Variants in SAMD5 observed in about 807,000 individuals in gnomAD.
The protein encoded by SAMD5 is sterile alpha motif domain containing 5.
Under a neutral mutation model 11.3 loss-of-function variants are expected in SAMD5, and 13 were observed. That is an observed-to-expected ratio of 1.15 (90% CI 0.75 to 1.83). The LOEUF (loss-of-function observed/expected upper bound fraction) is 1.83. Ranked by LOEUF, SAMD5 falls within the 40% of genes most tolerant of loss-of-function variation. SAMD5 has a pLI of 0.00. For synonymous variants in SAMD5, 129 were observed against 111.3 expected (o/e 1.16, Z -1.00); for missense variants, 255 against 239.1 (o/e 1.07, Z -0.44).
chr6:147,544,664 T>C (rs1385228269), intron 1 of SAMD5, among the ~76,000 whole-genome samples: 1 of 152,200 alleles, frequency 6.6e-6, no homozygotes, highest in East Asian at 1.9e-4. Flanking sequence ...GGTTTTGCAG[T>C]GGGATGGGAA....
chr6:147,630,038 C>G (rs1045264397), intron 1 of SAMD5, among the ~76,000 whole-genome samples: 1 of 151,548 alleles, frequency 6.6e-6, no homozygotes, highest in Non-Finnish European at 1.5e-5. Context: ...CAACCTCCAC[C>G]TCCCAGGTTC....
At chr6:147,894,105 TTG>T in the SAMD5 span, among the ~76,000 whole-genome samples, 1 of 151,360 alleles carries the variant, frequency 6.6e-6, no homozygotes, top group Admixed American at 6.6e-5. Flanking sequence ...GGTTTTTTTT[TTG>T]TTTGTTTCTT....
intron 1 of SAMD5, among the ~76,000 whole-genome samples, chr6:147,632,157 G>A (rs1416266660): frequency 1.3e-5 from 2 of 152,150 alleles, no homozygotes; most frequent in African/African-American, 4.8e-5. Flanking sequence ...ATCAGCATAA[G>A]AGCTGCCCTG....
Position 147,602,404 on chromosome 6 carries a change from C to T in SAMD5, c.162+93017C>T, listed in dbSNP as rs191630839. On this transcript the variant is annotated intron_variant, in intron 1 of 1. Coordinates refer to the SAMD5 transcript ENST00000566741. ...GTCATATTTCAGAAGTGTTCCTTTG[C>T]GATGTTTGAAGTGATCCTTGTGGAA... Among the ~76,000 whole-genome samples, 345 of 152,212 alleles carry T rather than the reference C, an allele frequency of 2.3e-3. 1 individual carries two copies. Among genetic ancestry groups the T allele is most frequent in the African/African-American group, 7.8e-3 (323 of 41,520 alleles).
At chr6:147,909,561 T>C in the SAMD5 span, among the ~76,000 whole-genome samples, 1 of 14,338 alleles carries the variant, frequency 7.0e-5, no homozygotes, top group Non-Finnish European at 1.3e-4. Flanking sequence ...ATCCATCTTT[T>C]TTCTTTCTTT....
intron 1 of SAMD5, among the ~76,000 whole-genome samples, chr6:147,622,538 C>A (rs1409091385): frequency 2.0e-5 from 3 of 152,152 alleles, no homozygotes; most frequent in Admixed American, 1.3e-4. Context: ...CAAGGAATAT[C>A]TTCTAGAAGC....
At chr6:147,513,515 G>C (rs895718966) in intron 1 of SAMD5, among the ~76,000 whole-genome samples, 12 of 152,130 alleles carry the variant, frequency 7.9e-5, no homozygotes, top group Non-Finnish European at 1.5e-4. Context: ...CATACGGAGT[G>C]TGAGATGCCT....
the SAMD5 span, among the ~76,000 whole-genome samples, chr6:147,930,996 T>C: frequency 6.6e-6 from 1 of 152,102 alleles, no homozygotes; most frequent in Non-Finnish European, 1.5e-5. Flanking sequence ...ATTCCAGCCC[T>C]CTAGGCATCC....
intron 1 of SAMD5, among the ~76,000 whole-genome samples, chr6:147,552,296 G>A (rs1788787754): frequency 6.6e-6 from 1 of 152,198 alleles, no homozygotes; most frequent in African/African-American, 2.4e-5. Flanking sequence ...AAGTAATACT[G>A]TAAAGACCTC....
At chr6:147,531,439 C>T (rs1788428925) in intron 1 of SAMD5, among the ~76,000 whole-genome samples, 1 of 152,168 alleles carries the variant, frequency 6.6e-6, no homozygotes, top group African/African-American at 2.4e-5. Flanking sequence ...TTTAAATCTT[C>T]TTATTTCCAT....
intron 1 of SAMD5, among the ~76,000 whole-genome samples, chr6:147,716,903 A>G (rs1190607851): frequency 1.3e-5 from 2 of 152,248 alleles, no homozygotes; most frequent in Non-Finnish European, 2.9e-5. Context: ...ACCTGTGACT[A>G]CGATGTCTCT....
At chr6:147,558,635 C>A (rs1788895749) in intron 1 of SAMD5, among the ~76,000 whole-genome samples, 1 of 152,092 alleles carries the variant, frequency 6.6e-6, no homozygotes, top group African/African-American at 2.4e-5. Flanking sequence ...TTGCCCCTCT[C>A]ATGGGCTCTT....
At chr6:147,718,059 C>T (rs938316785) in intron 1 of SAMD5, among the ~76,000 whole-genome samples, 2 of 152,002 alleles carry the variant, frequency 1.3e-5, no homozygotes, top group Non-Finnish European at 2.9e-5. Context: ...GAGAAATTTC[C>T]CCTTTTTGAA....
At chr6:147,806,702 C>A in the SAMD5 span, among the ~76,000 whole-genome samples, 2 of 152,108 alleles carry the variant, frequency 1.3e-5, no homozygotes, top group Non-Finnish European at 2.9e-5. Flanking sequence ...TTTTGAGATC[C>A]TTCCCTGCCA....
intron 1 of SAMD5, among the ~76,000 whole-genome samples, chr6:147,542,839 T>C (rs1329050727): frequency 6.6e-6 from 1 of 152,100 alleles, no homozygotes; most frequent in Admixed American, 6.6e-5. Context: ...ATGAAGGAGG[T>C]CTGCTTGGGA....
chr6:147,795,645 T>A, the SAMD5 span, among the ~76,000 whole-genome samples: 18 of 151,036 alleles, frequency 1.2e-4, no homozygotes, highest in South Asian at 2.1e-4. Context: ...CACCACACTG[T>A]CTTCCACAAT....
In SAMD5 at chr6:147,711,772, A is replaced by G. The variant is rs1791404316; in HGVS notation, c.163-25545A>G. Among the ~76,000 whole-genome samples the G allele has an allele frequency of 6.6e-6, 1 of 152,220 alleles. No individual in the cohort carries two copies. The highest frequency in any genetic ancestry group is 2.1e-4 in the South Asian group (1 of 4,828). On this transcript the variant is annotated intron_variant, in intron 1 of 1. Coordinates refer to the SAMD5 transcript ENST00000566741. This position sits in a 1 kb window ranked among gnomAD's most constrained non-coding sequence, Gnocchi z 4.1. ...AATATGTTTGTGTTGTGAGTTCCTT[A>G]CATCATGGAGTGTCATGTGCGTAAG...
the SAMD5 span, among the ~76,000 whole-genome samples, chr6:147,801,644 C>A: frequency 6.6e-6 from 1 of 152,102 alleles, no homozygotes. Context: ...GGCTGTTGTC[C>A]TTTAGAGAAG....
intron 1 of SAMD5, among the ~76,000 whole-genome samples, chr6:147,621,425 C>T (rs1335344657): frequency 1.3e-5 from 2 of 151,834 alleles, no homozygotes; most frequent in African/African-American, 4.8e-5. Flanking sequence ...AGGGATGATG[C>T]CAGAGCCTTC....
Sources: gnomAD v4.1 joint callset for allele counts (sites outside exome capture counted in the v4.1 genomes callset) on GRCh38, gnomAD v4.1.1 for gene constraint, Gnocchi (gnomAD v3.1) non-coding constraint, MANE v1.5 for transcripts, NCBI Gene and HGNC (gene_info 2026-07-23, HGNC 2026-07-21) for gene names.